Variants in ARHGAP10 observed in about 807,000 individuals in gnomAD.
ARHGAP10 encodes the protein Rho GTPase activating protein 10, also known as rho GTPase-activating protein 10.
A neutral mutation model predicts 108.6 loss-of-function variants in ARHGAP10; 87 were observed. That is an observed-to-expected ratio of 0.80 (90% CI 0.67 to 0.96). The LOEUF is 0.96. Ranked by LOEUF, ARHGAP10 falls within the 40% of genes least tolerant of loss-of-function variation. ARHGAP10 has a pLI of 0.00. For missense variants in ARHGAP10, 939 were observed against 954.5 expected, an observed-to-expected ratio of 0.98 and a Z score of 0.21; for synonymous variants, 347 against 341.1, an observed-to-expected ratio of 1.02 and a Z score of -0.19.
At chr4:147,744,378 C>T (rs1360309681) in intron 1 of ARHGAP10, among the ~76,000 whole-genome samples, 3 of 129,882 alleles carry the variant, frequency 2.3e-5, no homozygotes, top group African/African-American at 5.9e-5. Flanking sequence ...ATGGTGCTGT[C>T]GAGGGGGTGG....
At chr4:147,923,388 A>G (rs2126937791) in intron 13 of ARHGAP10, among the ~76,000 whole-genome samples, 1 of 152,348 alleles carries the variant, frequency 6.6e-6, no homozygotes, top group East Asian at 1.9e-4. Context: ...ATATGCAAAA[A>G]CAAAGTAACA....
At chr4:147,789,953 T>A (rs1200279002) in intron 1 of ARHGAP10, among the ~76,000 whole-genome samples, 1 of 151,622 alleles carries the variant, frequency 6.6e-6, no homozygotes, top group Non-Finnish European at 1.5e-5. Context: ...ATTAAGAAGG[T>A]GTGTTCGTAA....
intron 20 of ARHGAP10, among the ~76,000 whole-genome samples, chr4:148,048,658 A>G (rs776831774): frequency 6.6e-6 from 1 of 152,196 alleles, no homozygotes; most frequent in Non-Finnish European, 1.5e-5. Context: ...CAGATCTCTA[A>G]TTATGCCTTT....
intron 16 of ARHGAP10, among the ~76,000 whole-genome samples, chr4:147,956,493 AAG>A (rs373966182): frequency 6.6e-6 from 1 of 152,184 alleles, no homozygotes; most frequent in East Asian, 1.9e-4. Context: ...TTTTTTAAAA[AAG>A]AGAATTTGTG....
intron 7 of ARHGAP10, among the ~76,000 whole-genome samples, chr4:147,870,563 T>A (rs1734774331): frequency 7.8e-4 from 1 of 1,276 alleles, no homozygotes; most frequent in African/African-American, 8.4e-4. Flanking sequence ...GTGGCTAGAC[T>A]TTTTTTTTTT....
chr4:147,865,513 T>A (rs1734519152), intron 6 of ARHGAP10: 1 of 152,472 alleles, frequency 6.6e-6, no homozygotes, highest in Non-Finnish European at 1.5e-5. Context: ...CAGTTGTTTA[T>A]ATATGAAGAT....
At chr4:147,879,401 A>G in intron 9 of ARHGAP10, 63 bp downstream of exon 9, 2 of 1,381,924 alleles carry the variant, frequency 1.4e-6, no homozygotes, top group Admixed American at 2.0e-5. Flanking sequence ...TGAGGGTGTC[A>G]TTTTAATGGT....
intron 12 of ARHGAP10, among the ~76,000 whole-genome samples, chr4:147,911,606 C>G (rs533205148): frequency 2.0e-5 from 3 of 149,488 alleles, no homozygotes; most frequent in African/African-American, 7.4e-5. Context: ...TCGTGATCCG[C>G]CCACCTTGGC....
intron 1 of ARHGAP10, among the ~76,000 whole-genome samples, chr4:147,810,983 C>A (rs1312452280): frequency 6.6e-6 from 1 of 152,220 alleles, no homozygotes; most frequent in Non-Finnish European, 1.5e-5. Context: ...ACAAGTTTAG[C>A]TCCCCTGGAG....
At chr4:148,000,315 C>T (rs979896133) in intron 18 of ARHGAP10, among the ~76,000 whole-genome samples, 12 of 152,108 alleles carry the variant, frequency 7.9e-5, no homozygotes, top group Non-Finnish European at 1.3e-4. Context: ...TTTTCTTAAT[C>T]CAGTCTATCA....
intron 18 of ARHGAP10, 52 bp downstream of exon 18, chr4:147,966,891 A>C: frequency 7.2e-7 from 1 of 1,396,652 alleles, no homozygotes; most frequent in Non-Finnish European, 9.6e-7. Context: ...GTCGCCATGT[A>C]CTACACAACG....
intron 9 of ARHGAP10, 34 bp downstream of exon 9, chr4:147,879,372 ATC>A: frequency 6.3e-7 from 1 of 1,579,400 alleles, no homozygotes; most frequent in Non-Finnish European, 8.7e-7. Flanking sequence ...ATAGATTATA[ATC>A]TGTCAGAGGT....
intron 18 of ARHGAP10, among the ~76,000 whole-genome samples, chr4:148,021,409 G>T (rs897550823): frequency 1.3e-5 from 2 of 152,178 alleles, no homozygotes; most frequent in African/African-American, 4.8e-5. Context: ...CAGTTGTTGG[G>T]ATATAACTTT....
At chr4:147,828,725 C>T (rs1560779038) in intron 3 of ARHGAP10, among the ~76,000 whole-genome samples, 1 of 152,182 alleles carries the variant, frequency 6.6e-6, no homozygotes, top group Non-Finnish European at 1.5e-5. Flanking sequence ...CCTTTCCCCC[C>T]TACAATGTCC....
At chr4:148,032,244 T>A (rs1728178564) in intron 19 of ARHGAP10, among the ~76,000 whole-genome samples, 1 of 151,346 alleles carries the variant, frequency 6.6e-6, no homozygotes, top group Non-Finnish European at 1.5e-5. Context: ...GCCAGATCTG[T>A]AGCCATTGAT....
In ARHGAP10 at chr4:147,822,789, G is replaced by A; in HGVS notation, c.217G>A (p.Gly73Ser). The stretch of plus-strand genomic sequence containing the variant: ...CAGAGACTTTAAGTTTGAGTTTATC[G>A]GTGATGCTGTGACAGATGATGAACG... ...SLRDFKFEFIGDAVTDDERCI... is the reference protein window; with the variant it reads ...SLRDFKFEFISDAVTDDERCI... The change falls in exon 2 of 23, where the codon GGT (glycine) becomes AGT (serine). Residue 73 changes from glycine to serine, a missense_variant. Gly to Ser is a moderately conservative substitution (Grantham distance 56). Coordinates refer to ENST00000336498, the MANE Select transcript of ARHGAP10 (RefSeq NM_024605.4). 3 of 1,614,164 alleles carry A rather than the reference G, an allele frequency of 1.9e-6. No homozygotes were observed. The highest frequency in any genetic ancestry group is 2.5e-6 in the Non-Finnish European group (3 of 1,180,044).
intron 4 of ARHGAP10, among the ~76,000 whole-genome samples, chr4:147,855,163 AT>A (rs1171909441): frequency 6.6e-6 from 1 of 152,062 alleles, no homozygotes; most frequent in Non-Finnish European, 1.5e-5. Flanking sequence ...CCTGACTTCC[AT>A]TTGTCTTTTG....
chr4:147,829,111 G>A (rs963725627), intron 3 of ARHGAP10, among the ~76,000 whole-genome samples: 1 of 151,008 alleles, frequency 6.6e-6, no homozygotes, highest in Non-Finnish European at 1.5e-5. Flanking sequence ...GAGTGCAGTG[G>A]TGTGATCTCA....
chr4:147,732,216 C>T lies in ARHGAP10; in HGVS notation c.-86C>T, dbSNP rs933976759. Reference sequence around the variant, plus strand: ...CTAGCTCCTCTGTGCTCCCTGAACGCGCGGCGCCGCACCTGGCAGCGGCCT... The same window carrying T: ...CTAGCTCCTCTGTGCTCCCTGAACGTGCGGCGCCGCACCTGGCAGCGGCCT... On this transcript the variant is annotated 5_prime_UTR_variant, in exon 1 of 23. Coordinates refer to ENST00000336498, the MANE Select transcript of ARHGAP10 (RefSeq NM_024605.4). 4.4e-6 allele frequency: 6 copies of T among 1,354,576 alleles called. No homozygotes were observed. The highest frequency in any genetic ancestry group is 5.7e-6 in the Non-Finnish European group (6 of 1,044,866). 83.9% of individuals were successfully genotyped at this position (1,354,576 alleles called of 1,614,324 possible). A position where few individuals can be genotyped will look rare whatever the true frequency, so the allele number is the denominator to read the frequency against.
Sources: gnomAD v4.1 joint callset for allele counts (sites outside exome capture counted in the v4.1 genomes callset) on GRCh38, gnomAD v4.1.1 for gene constraint, MANE v1.5 for transcripts, NCBI Gene and HGNC (gene_info 2026-07-23, HGNC 2026-07-21) for gene names.